Variants in LGSN observed in about 807,000 individuals in gnomAD.
LGSN encodes lengsin, lens protein with glutamine synthetase domain.
In LGSN, 21 loss-of-function variants were observed where a neutral mutation model predicts 19.5. The ratio of observed to expected loss-of-function variants is 1.07; its 90% CI spans 0.76 to 1.55. The LOEUF is 1.55. Ranked by LOEUF, LGSN falls within the 40% of genes most tolerant of loss-of-function variation. The pLI, the probability that LGSN is intolerant of heterozygous loss-of-function variation, is 0.00. For missense variants in LGSN, 673 were observed against 608.5 expected (o/e 1.11, Z -1.12); for synonymous variants, 257 against 215.6 (o/e 1.19, Z -1.68).
At chr6:63,438,930 A>G in the LGSN span, among the ~76,000 whole-genome samples, 5 of 152,336 alleles carry the variant, frequency 3.3e-5, no homozygotes, top group South Asian at 2.1e-4. Context: ...CATTATTCAC[A>G]ATAGCAAAGA....
chr6:63,390,474 ACCTATTG>A, the LGSN span, among the ~76,000 whole-genome samples: 3 of 151,690 alleles, frequency 2.0e-5, no homozygotes, highest in Admixed American at 2.0e-4. Context: ...AGAATGCATG[ACCTATTG>A]CCAAATTCAC....
chr6:63,507,900 A>G, the LGSN span, among the ~76,000 whole-genome samples: 16 of 152,214 alleles, frequency 1.1e-4, no homozygotes, highest in African/African-American at 3.9e-4. Flanking sequence ...TACTAGAGCA[A>G]AAACATAAGA....
chr6:63,363,200 C>T, the LGSN span, among the ~76,000 whole-genome samples: 4 of 152,170 alleles, frequency 2.6e-5, no homozygotes, highest in Admixed American at 1.3e-4. Context: ...CTGTATGTCA[C>T]CATCATCAAA....
chr6:63,280,649 C>G lies in LGSN; in HGVS notation c.902G>C (p.Ser301Thr). Reference sequence around the variant, plus strand: ...ACAAAATCCAGTCTCAATGAAGAAGCTGGCAATGTAATTATATTTCCTTGC... The same window carrying G: ...ACAAAATCCAGTCTCAATGAAGAAGGTGGCAATGTAATTATATTTCCTTGC... ...EVARKYNYIASFFIETGFCDS... is the reference protein window; with the variant it reads ...EVARKYNYIATFFIETGFCDS... Residue 301 changes from serine to threonine, a missense_variant, in exon 4 of 4, where the codon AGC (serine) becomes ACC (threonine). Transcript: ENST00000370657. 6.2e-7 allele frequency: 1 copy of G among 1,614,076 alleles called. No individual in the cohort carries two copies. Among genetic ancestry groups the G allele is most frequent in the African/African-American group, 1.3e-5 (1 of 75,038 alleles).
chr6:63,542,022 G>GGTGTGTGTGTGT, the LGSN span, among the ~76,000 whole-genome samples: 221 of 146,832 alleles, frequency 1.5e-3, no homozygotes, highest in African/African-American at 5.0e-3. Context: ...AAGAAACTGT[G>GGTGTGTGTGTGT]GTGTGTGTGT....
chr6:63,519,976 T>C, the LGSN span, among the ~76,000 whole-genome samples: 6 of 152,234 alleles, frequency 3.9e-5, no homozygotes, highest in African/African-American at 1.4e-4. Context: ...ACCCTGTAAC[T>C]GTATAAACCT....
At chr6:63,505,565 A>G in the LGSN span, among the ~76,000 whole-genome samples, 11 of 58,642 alleles carry the variant, frequency 1.9e-4, no homozygotes, top group East Asian at 4.4e-4. Context: ...AAAAAAAAAA[A>G]AAAGAAAGAA....
At chr6:63,357,735 C>A in the LGSN span, among the ~76,000 whole-genome samples, 1 of 152,120 alleles carries the variant, frequency 6.6e-6, no homozygotes, top group Non-Finnish European at 1.5e-5. Flanking sequence ...GATATTAGCC[C>A]TTTGTCAGAT....
chr6:63,446,379 C>A, the LGSN span, among the ~76,000 whole-genome samples: 1 of 152,074 alleles, frequency 6.6e-6, no homozygotes, highest in African/African-American at 2.4e-5. Flanking sequence ...AGCACATTCC[C>A]ACCCCCAGAG....
chr6:63,412,853 GGA>G, the LGSN span, among the ~76,000 whole-genome samples: 6 of 144,696 alleles, frequency 4.1e-5, no homozygotes, highest in Non-Finnish European at 6.0e-5. Context: ...AGGAAGGAAG[GGA>G]GAGAGAGAGT....
At chr6:63,332,472 G>C in the LGSN span, among the ~76,000 whole-genome samples, 1 of 152,098 alleles carries the variant, frequency 6.6e-6, no homozygotes, top group Non-Finnish European at 1.5e-5. Context: ...TGGGACCCCA[G>C]AGCTGCATGG....
At chr6:63,436,698 T>C in the LGSN span, among the ~76,000 whole-genome samples, 1 of 152,146 alleles carries the variant, frequency 6.6e-6, no homozygotes, top group Admixed American at 6.6e-5. Context: ...ACACACTCAT[T>C]GGGTTTGGAC....
the LGSN span, among the ~76,000 whole-genome samples, chr6:63,535,311 A>C: frequency 1.3e-5 from 2 of 152,118 alleles, no homozygotes; most frequent in Non-Finnish European, 2.9e-5. Flanking sequence ...CTAAAAATAC[A>C]AAAAATAAGC....
the LGSN span, among the ~76,000 whole-genome samples, chr6:63,421,033 T>TTGG: frequency 7.2e-6 from 1 of 138,378 alleles, no homozygotes; most frequent in African/African-American, 2.5e-5. Context: ...AGAATGTGGC[T>TTGG]TGGTGAGTCA....
At chr6:63,482,692 C>CA in the LGSN span, among the ~76,000 whole-genome samples, 1 of 152,068 alleles carries the variant, frequency 6.6e-6, no homozygotes, top group Non-Finnish European at 1.5e-5. Flanking sequence ...CACCAAAATC[C>CA]ATTCACTCTA....
the LGSN span, chr6:63,481,926 A>G: frequency 3.3e-4 from 59 of 177,432 alleles, no homozygotes; most frequent in Middle Eastern, 5.8e-3. Context: ...TTGAAAGATT[A>G]ATTAGTTAAT....
chr6:63,351,969 T>C, the LGSN span, among the ~76,000 whole-genome samples: 1 of 152,174 alleles, frequency 6.6e-6, no homozygotes, highest in Non-Finnish European at 1.5e-5. Flanking sequence ...TTCCAATGTA[T>C]AAAGAAAGAA....
At chr6:63,480,822 G>GA in the LGSN span, among the ~76,000 whole-genome samples, 1,451 of 127,502 alleles carry the variant, frequency 0.011, 26 homozygotes, top group African/African-American at 0.035. Flanking sequence ...GTCATTATAT[G>GA]AAAAAAAAAA....
the LGSN span, among the ~76,000 whole-genome samples, chr6:63,560,354 A>AAAG: frequency 1.3e-5 from 2 of 149,850 alleles, no homozygotes; most frequent in African/African-American, 5.0e-5. Context: ...AAAAAAAAAA[A>AAAG]AAAGAAAGAA....
Sources: allele counts gnomAD v4.1 joint callset (sites outside exome capture counted in the v4.1 genomes callset), GRCh38; gene constraint gnomAD v4.1.1; transcripts MANE v1.5; gene names NCBI Gene and HGNC (gene_info 2026-07-23, HGNC 2026-07-21).